Variants in HSDL2 observed in about 807,000 individuals in gnomAD.
HSDL2 encodes hydroxysteroid dehydrogenase-like protein 2.
A neutral mutation model predicts 46.3 loss-of-function variants in HSDL2; 27 were observed. That is an observed-to-expected ratio of 0.58 (90% confidence interval 0.43 to 0.80). The LOEUF is 0.80. Ranked by LOEUF, HSDL2 falls within the 30% of genes least tolerant of loss-of-function variation. The pLI, the probability that HSDL2 is intolerant of heterozygous loss-of-function variation, is 0.00. For synonymous variants in HSDL2, 153 were observed against 163.6 expected (o/e 0.94, Z 0.50); for missense variants, 451 against 502.7 (o/e 0.90, Z 0.98).
chr9:112,417,124 T>C (rs374852210), intron 5 of HSDL2, among the ~76,000 whole-genome samples, 180 bp downstream of exon 5: 4 of 152,188 alleles, frequency 2.6e-5, no homozygotes, highest in Non-Finnish European at 4.4e-5. Flanking sequence ...ATTTAAAAAA[T>C]TGAGGCATAA....
At chr9:112,441,868 C>G in intron 8 of HSDL2, 98 bp downstream of exon 8, 1 of 749,254 alleles carries the variant, frequency 1.3e-6, no homozygotes, top group Non-Finnish European at 2.2e-6. Flanking sequence ...GACATTTCTG[C>G]CTTCTGTTTT....
In HSDL2 at chr9:112,439,952, GATAATGT is replaced by G. The variant is rs566947936; in HGVS notation, c.793+1335_793+1341del. 2.5e-3 allele frequency among the ~76,000 whole-genome samples: 376 copies of G among 152,300 alleles called. 2 individuals carry two copies. Among genetic ancestry groups the G allele is most frequent in the Non-Finnish European group, 4.4e-3 (296 of 68,018 alleles). On this transcript the variant is annotated intron_variant, in intron 7 of 10. Coordinates refer to ENST00000398805, the MANE Select transcript of HSDL2 (RefSeq NM_032303.5). ...CAAGATTTTTGTAAAGGCTAAATGTGATAATGTATAATGTGTTTGGCACAGTGCCCAG... is the reference window on the plus strand; with the variant it reads ...CAAGATTTTTGTAAAGGCTAAATGTGATAATGTGTTTGGCACAGTGCCCAG...
intron 1 of HSDL2, among the ~76,000 whole-genome samples, chr9:112,398,590 C>T (rs1007798930): frequency 7.9e-5 from 12 of 151,716 alleles, no homozygotes; most frequent in South Asian, 4.2e-4. Flanking sequence ...GAAGGCCGAA[C>T]GGGAGAGGAA....
intron 6 of HSDL2, among the ~76,000 whole-genome samples, chr9:112,420,402 G>A (rs975150702): frequency 1.3e-5 from 2 of 151,956 alleles, no homozygotes; most frequent in African/African-American, 2.4e-5. Flanking sequence ...TGGGTGTGGT[G>A]CCTCACTCCT....
At position 112,459,329 on chromosome 9, in the gene HSDL2, G is replaced by A. The variant is rs1230580109; in HGVS notation, c.1016-120G>A. The A allele has an allele frequency of 3.8e-6, 4 of 1,058,854 alleles. No homozygotes were observed. The African/African-American group carries it at 4.8e-5, about 13-fold the overall frequency. The allele number at this position is 1,058,854 out of a possible 1,614,324, so 65.6% of individuals were successfully genotyped here. ...ATATTTGCTGAATTTGACTGATGGA[G>A]GTCTGGGGATTTTAACTTGGAAAAC... On this transcript the variant is annotated intron_variant, in intron 9 of 10. Transcript: ENST00000398805.
chr9:112,451,258 A>G (rs932232111), intron 8 of HSDL2, among the ~76,000 whole-genome samples: 2 of 152,200 alleles, frequency 1.3e-5, no homozygotes, highest in African/African-American at 4.8e-5. Flanking sequence ...AAATAATAAT[A>G]CCTTATATTA....
At chr9:112,408,833 C>T in intron 3 of HSDL2, 74 bp from the exon 4 acceptor site, 1 of 755,676 alleles carries the variant, frequency 1.3e-6, no homozygotes, top group South Asian at 1.7e-5. Context: ...ACTGAGGGTT[C>T]AAGAGAGTAA....
At chr9:112,456,289 A>AC (rs1232624293) in intron 9 of HSDL2, among the ~76,000 whole-genome samples, 1 of 152,182 alleles carries the variant, frequency 6.6e-6, no homozygotes, top group Non-Finnish European at 1.5e-5. Flanking sequence ...ATTCCCCTGA[A>AC]CACACCCTGC....
At chr9:112,401,280 G>T (rs1038644736) in intron 1 of HSDL2, among the ~76,000 whole-genome samples, 21 of 152,052 alleles carry the variant, frequency 1.4e-4, no homozygotes, top group Non-Finnish European at 2.8e-4. Context: ...GTGACATAGT[G>T]AGACCTTGTT....
intron 1 of HSDL2, among the ~76,000 whole-genome samples, chr9:112,395,652 A>C (rs1008624191): frequency 6.6e-6 from 1 of 152,266 alleles, no homozygotes; most frequent in African/African-American, 2.4e-5. Context: ...TAAGATCAAT[A>C]ACTATGAGAG....
At chr9:112,464,272 TGTC>T (rs796738509) in intron 10 of HSDL2, among the ~76,000 whole-genome samples, 19 of 151,648 alleles carry the variant, frequency 1.3e-4, no homozygotes, top group African/African-American at 4.4e-4. Flanking sequence ...AAAATTGAGT[TGTC>T]TTTTGAATAT....
chr9:112,435,204 G>C (rs1456239410), intron 6 of HSDL2, among the ~76,000 whole-genome samples: 1 of 151,824 alleles, frequency 6.6e-6, no homozygotes, highest in Non-Finnish European at 1.5e-5. Context: ...TAGGTTGGAG[G>C]AACATTTCTT....
chr9:112,459,400 G>T (rs986128852), intron 9 of HSDL2, 49 bp from the exon 10 acceptor site: 2 of 1,571,960 alleles, frequency 1.3e-6, no homozygotes, highest in African/African-American at 1.4e-5. Context: ...TTAAATTTAA[G>T]AAGAACAGGG....
chr9:112,411,920 G>A (rs1831876881), intron 4 of HSDL2, among the ~76,000 whole-genome samples: 1 of 152,108 alleles, frequency 6.6e-6, no homozygotes, highest in Admixed American at 6.5e-5. Context: ...GAATATTATT[G>A]CTCAACATGT....
Position 112,396,365 on chromosome 9 carries a change from A to G in HSDL2, c.18-7630A>G, listed in dbSNP as rs181461092. Among the ~76,000 whole-genome samples, 5 of 152,284 alleles carry G rather than the reference A, an allele frequency of 3.3e-5. No individual in the cohort carries two copies. The East Asian group carries it at 7.7e-4, about 23-fold the overall frequency. On this transcript the variant is annotated intron_variant, in intron 1 of 10. Transcript: ENST00000398805. Reference sequence around the variant, plus strand: ...AAATAATAGAAACATCAGCCCTAGTATCTACTAGGCCCTCACACTTTTTTC... The same window carrying G: ...AAATAATAGAAACATCAGCCCTAGTGTCTACTAGGCCCTCACACTTTTTTC...
intron 9 of HSDL2, among the ~76,000 whole-genome samples, chr9:112,454,500 A>C (rs926323815): frequency 2.0e-5 from 3 of 151,870 alleles, no homozygotes; most frequent in Admixed American, 6.6e-5. Flanking sequence ...GACACATGTA[A>C]AGTAAAATTT....
At chr9:112,393,963 G>A (rs947782288) in intron 1 of HSDL2, among the ~76,000 whole-genome samples, 4 of 152,212 alleles carry the variant, frequency 2.6e-5, no homozygotes, top group Non-Finnish European at 5.9e-5. Flanking sequence ...TGATACTGAG[G>A]GAGAGGAGCA....
At chr9:112,381,262 C>A (rs1230690482) in intron 1 of HSDL2, among the ~76,000 whole-genome samples, 1 of 152,184 alleles carries the variant, frequency 6.6e-6, no homozygotes, top group African/African-American at 2.4e-5. Context: ...AACTCCCAGG[C>A]TGATGTTCCT....
At chr9:112,398,875 C>T (rs182422364) in intron 1 of HSDL2, among the ~76,000 whole-genome samples, 1 of 152,250 alleles carries the variant, frequency 6.6e-6, no homozygotes, top group East Asian at 1.9e-4. Flanking sequence ...TGAACTCCTC[C>T]CTGTTTTAAC....
Sources: gnomAD v4.1 joint callset for allele counts (sites outside exome capture counted in the v4.1 genomes callset) on GRCh38, gnomAD v4.1.1 for gene constraint, MANE v1.5 for transcripts, NCBI Gene and HGNC (gene_info 2026-07-23, HGNC 2026-07-21) for gene names.